HDAC9: variants seen among roughly 807,000 people sequenced by gnomAD.
The protein encoded by HDAC9 is MEF-2 interacting transcription repressor (MITR) protein.
HDAC9 carries 41 observed loss-of-function variants against 139.4 expected under a neutral mutation model. That is an observed-to-expected ratio of 0.29 (90% CI 0.23 to 0.38). The LOEUF (loss-of-function observed/expected upper bound fraction) is 0.38. Ranked by LOEUF, HDAC9 falls within the 10% of genes least tolerant of loss-of-function variation. The pLI is 1.00. For missense variants in HDAC9, 1,147 were observed against 1,297.0 expected, an observed-to-expected ratio of 0.88 and a Z score of 1.78; for synonymous variants, 517 against 476.2, an observed-to-expected ratio of 1.09 and a Z score of -1.12.
chr7:18,786,373 A>G (rs1791716753), intron 16 of HDAC9, among the ~76,000 whole-genome samples: 1 of 151,930 alleles, frequency 6.6e-6, no homozygotes, highest in South Asian at 2.1e-4. Flanking sequence ...TATCTTCCTA[A>G]TTATTTTAGG....
chr7:18,989,130 C>T (rs952597449), intron 25 of HDAC9, among the ~76,000 whole-genome samples: 8 of 144,524 alleles, frequency 5.5e-5, no homozygotes, highest in South Asian at 2.3e-4. Flanking sequence ...TGATTTTGCT[C>T]GTTCGTTGAT....
chr7:18,117,282 C>T (rs1201918862), intron 1 of HDAC9, among the ~76,000 whole-genome samples: 3 of 151,894 alleles, frequency 2.0e-5, no homozygotes, highest in African/African-American at 4.8e-5. Flanking sequence ...GTCAGGAGAT[C>T]GAGACCTTCC....
chr7:18,976,467 G>A (rs1252734485), intron 25 of HDAC9, among the ~76,000 whole-genome samples: 1 of 152,194 alleles, frequency 6.6e-6, no homozygotes, highest in Non-Finnish European at 1.5e-5. Context: ...GGGGGAAGTT[G>A]CCTGCAAAGG....
intron 1 of HDAC9, among the ~76,000 whole-genome samples, chr7:18,424,041 A>G (rs1789884235): frequency 6.6e-6 from 1 of 152,212 alleles, no homozygotes; most frequent in Admixed American, 6.5e-5. Flanking sequence ...TATCACCTAT[A>G]AATATGCAGT....
intron 1 of HDAC9, among the ~76,000 whole-genome samples, chr7:18,354,928 G>A (rs1783136438): frequency 6.6e-6 from 1 of 152,122 alleles, no homozygotes; most frequent in Admixed American, 6.6e-5. Context: ...CCTTAGGCTT[G>A]GAAATGCACT....
intron 16 of HDAC9, among the ~76,000 whole-genome samples, chr7:18,769,178 C>A (rs560672357): frequency 6.6e-6 from 1 of 152,298 alleles, no homozygotes; most frequent in East Asian, 1.9e-4. Context: ...CCTCCCAAAT[C>A]TGACCTGGGA....
intron 13 of HDAC9, among the ~76,000 whole-genome samples, chr7:18,737,675 C>A (rs1328218506): frequency 2.0e-5 from 3 of 151,978 alleles, no homozygotes; most frequent in African/African-American, 7.3e-5. Flanking sequence ...TGCTTTATTC[C>A]CTATGATGTG....
At chr7:18,575,915 A>C (rs2128756770) in intron 2 of HDAC9, among the ~76,000 whole-genome samples, 1 of 152,362 alleles carries the variant, frequency 6.6e-6, no homozygotes, top group South Asian at 2.1e-4. Flanking sequence ...CTGAAAACAT[A>C]GTCTCTGCCC....
At chr7:18,235,462 A>C (rs1226325272) in intron 2 of HDAC9, among the ~76,000 whole-genome samples, 1 of 152,194 alleles carries the variant, frequency 6.6e-6, no homozygotes, top group Non-Finnish European at 1.5e-5. Context: ...AGAGATGTAC[A>C]CAGTTGGGTC....
At chr7:18,941,417 A>G (rs1585366453) in intron 23 of HDAC9, among the ~76,000 whole-genome samples, 1 of 152,016 alleles carries the variant, frequency 6.6e-6, no homozygotes, top group South Asian at 2.1e-4. Flanking sequence ...TCTTGAATTG[A>G]CTCTAGTAAG....
chr7:18,433,647 A>G (rs1790893511), intron 1 of HDAC9, among the ~76,000 whole-genome samples: 1 of 152,148 alleles, frequency 6.6e-6, no homozygotes, highest in Non-Finnish European at 1.5e-5. Flanking sequence ...AACCAAATCA[A>G]GATCTCAGTC....
intron 22 of HDAC9, among the ~76,000 whole-genome samples, chr7:18,919,155 AAGTC>A (rs1259353604): frequency 6.6e-6 from 1 of 152,058 alleles, no homozygotes; most frequent in Non-Finnish European, 1.5e-5. Flanking sequence ...CAGAAACACA[AAGTC>A]AGAAGGGCGC....
intron 14 of HDAC9, among the ~76,000 whole-genome samples, chr7:18,749,868 G>C (rs1014406482): frequency 6.6e-6 from 1 of 151,930 alleles, no homozygotes; most frequent in Admixed American, 6.6e-5. Flanking sequence ...TGAATCTAAG[G>C]CATTTTTAAA....
intron 16 of HDAC9, among the ~76,000 whole-genome samples, chr7:18,769,940 G>C (rs1790146266): frequency 6.6e-6 from 1 of 152,138 alleles, no homozygotes; most frequent in South Asian, 2.1e-4. Context: ...AATACTCAGT[G>C]ATCCCCAATT....
At chr7:18,628,204 A>G (rs980341549) in intron 6 of HDAC9, among the ~76,000 whole-genome samples, 2 of 152,156 alleles carry the variant, frequency 1.3e-5, no homozygotes, top group Non-Finnish European at 2.9e-5. Flanking sequence ...TGGAAGAGCA[A>G]CATTTTCAGT....
intron 2 of HDAC9, among the ~76,000 whole-genome samples, chr7:18,185,083 T>G (rs1350243020): frequency 6.6e-6 from 1 of 152,214 alleles, no homozygotes; most frequent in East Asian, 1.9e-4. Flanking sequence ...GAAATGAAAC[T>G]AATTTGCAAT....
At chr7:18,961,796 C>G (rs1361836035) in intron 24 of HDAC9, among the ~76,000 whole-genome samples, 3 of 152,064 alleles carry the variant, frequency 2.0e-5, no homozygotes, top group Non-Finnish European at 4.4e-5. Context: ...ATTGTATTCC[C>G]CAAGGTTACA....
intron 12 of HDAC9, chr7:18,668,281 A>G (rs997574463): frequency 7.7e-5 from 74 of 961,230 alleles, no homozygotes; most frequent in Non-Finnish European, 8.9e-5. Context: ...CCTATCACCA[A>G]CATATTTTGG....
At chr7:18,428,449 G>A (rs1790326327) in intron 1 of HDAC9, among the ~76,000 whole-genome samples, 1 of 152,126 alleles carries the variant, frequency 6.6e-6, no homozygotes, top group Admixed American at 6.5e-5. Context: ...ATTTAAAAAT[G>A]GGCTAAAGGT....
Sources: gnomAD v4.1 joint callset for allele counts (sites outside exome capture counted in the v4.1 genomes callset) on GRCh38, gnomAD v4.1.1 for gene constraint, MANE v1.5 for transcripts, NCBI Gene and HGNC (gene_info 2026-07-23, HGNC 2026-07-21) for gene names.